Variants in MAP4 observed in about 807,000 individuals in gnomAD.
MAP4 encodes microtubule-associated protein 4.
A neutral mutation model predicts 170.2 loss-of-function variants in MAP4; 76 were observed. That is an observed-to-expected ratio of 0.45 (90% CI 0.37 to 0.54). The LOEUF (loss-of-function observed/expected upper bound fraction) is 0.54, where lower values mean the gene tolerates loss of function less well. Among genes scored for constraint, MAP4 ranks in the 20% least tolerant of loss-of-function variants. MAP4 has a pLI of 0.00. For missense variants in MAP4, 2,506 were observed against 2,748.0 expected, an observed-to-expected ratio of 0.91 and a Z score of 1.97; for synonymous variants, 909 against 994.5, an observed-to-expected ratio of 0.91 and a Z score of 1.62.
At chr3:48,085,994 G>A (rs1390540810) in intron 1 of MAP4, among the ~76,000 whole-genome samples, 4 of 152,202 alleles carry the variant, frequency 2.6e-5, no homozygotes, top group Non-Finnish European at 5.9e-5. Context: ...GAAGGTTGCA[G>A]TGAGCTGAGA....
chr3:48,056,572 A>G (rs1291423984), intron 1 of MAP4, among the ~76,000 whole-genome samples: 3 of 92,418 alleles, frequency 3.2e-5, no homozygotes, highest in Non-Finnish European at 5.9e-5. Flanking sequence ...CTGGGAAGTG[A>G]GGAGCCCCTC....
At chr3:48,010,568 T>C (rs1437613946) in intron 1 of MAP4, among the ~76,000 whole-genome samples, 1 of 152,148 alleles carries the variant, frequency 6.6e-6, no homozygotes. Context: ...TATTTTAAGA[T>C]TACATACGAT....
intron 1 of MAP4, among the ~76,000 whole-genome samples, chr3:48,074,676 T>TTTTTTGTGTGTGTG (rs746281743): frequency 4.4e-5 from 4 of 90,640 alleles, no homozygotes; most frequent in Admixed American, 1.2e-4. Flanking sequence ...ATCCAGCTAA[T>TTTTTTGTGTGTGTG]TGTGTGTGTG....
At chr3:47,894,822 T>C (rs887132155) in intron 10 of MAP4, among the ~76,000 whole-genome samples, 9 of 152,078 alleles carry the variant, frequency 5.9e-5, no homozygotes, top group African/African-American at 1.9e-4. Context: ...GCCCAGGAGT[T>C]TGAGACCAGC....
chr3:47,909,758 C>T lies in MAP4; in HGVS notation c.4663G>A (p.Val1555Met). Residue 1555 changes from valine (V) to methionine (M), a missense_variant, in exon 9 of 21, where the codon GTG becomes ATG. Val to Met is a conservative substitution (Grantham distance 21). Transcript: ENST00000683076. ...GAATGCTTAGACGCACCACTGTGCACTGACTCAGATTCTCCTATCACATGC... is the reference window on the plus strand; with the variant it reads ...GAATGCTTAGACGCACCACTGTGCATTGACTCAGATTCTCCTATCACATGC... ...EGHVIGESES[V>M]HSGASKHSVE... 6.2e-7 allele frequency: 1 copy of T among 1,614,006 alleles called. No homozygotes were observed. The highest frequency in any genetic ancestry group is 2.2e-5 in the East Asian group (1 of 44,892).
Position 47,851,413 on chromosome 3 carries a change from G to GT in MAP4, c.*1520_*1521insA, listed in dbSNP as rs1025461829. 5 of 152,188 alleles carry GT rather than the reference G, an allele frequency of 3.3e-5. No homozygotes were observed. The highest frequency in any genetic ancestry group is 2.0e-4 in the Admixed American group (3 of 15,282). The allele number at this position is 152,188 out of a possible 1,614,324, so 9.4% of individuals were successfully genotyped here. ...GGTCAAGACCCCTACCTTCTCCAGGGATGCCAGGACCAGAGAAGGGCAGAG... is the reference window on the plus strand; with the variant it reads ...GGTCAAGACCCCTACCTTCTCCAGGGTATGCCAGGACCAGAGAAGGGCAGAG... On this transcript the variant is annotated 3_prime_UTR_variant, in exon 21 of 21. Coordinates refer to ENST00000683076, the MANE Select transcript of MAP4 (RefSeq NM_001385682.1).
intron 1 of MAP4, among the ~76,000 whole-genome samples, chr3:48,059,614 A>T (rs1322984321): frequency 6.6e-6 from 1 of 151,868 alleles, no homozygotes; most frequent in Non-Finnish European, 1.5e-5. Context: ...CCATATGAAC[A>T]CATGAAATCT....
At chr3:48,007,750 G>A (rs2100103159) in intron 1 of MAP4, among the ~76,000 whole-genome samples, 2 of 150,488 alleles carry the variant, frequency 1.3e-5, no homozygotes, top group Admixed American at 1.3e-4. Flanking sequence ...TCGGCTCAAT[G>A]CAACCTCCAC....
At chr3:47,942,744 G>A (rs2100057293) in intron 3 of MAP4, among the ~76,000 whole-genome samples, 1 of 152,048 alleles carries the variant, frequency 6.6e-6, no homozygotes, top group Admixed American at 6.6e-5. Flanking sequence ...AAATAGTTGT[G>A]GTAAAATCGT....
intron 6 of MAP4, 100 bp downstream of exon 6, chr3:47,918,619 T>G: frequency 1.1e-6 from 1 of 889,278 alleles, no homozygotes; most frequent in Non-Finnish European, 1.8e-6. Flanking sequence ...TTCTGAAATT[T>G]TTATACCTGC....
chr3:47,853,074 G>A (rs1369561852), intron 20 of MAP4, 89 bp downstream of exon 20: 4 of 1,614,056 alleles, frequency 2.5e-6, no homozygotes, highest in South Asian at 2.2e-5. Flanking sequence ...TAAAATTTAG[G>A]CCACACTCTA....
At chr3:48,071,466 C>G (rs1282869109) in intron 1 of MAP4, among the ~76,000 whole-genome samples, 1 of 151,938 alleles carries the variant, frequency 6.6e-6, no homozygotes, top group Non-Finnish European at 1.5e-5. Context: ...GGAGGATCAC[C>G]TGAAACCAGA....
chr3:48,021,802 T>C (rs569772105), intron 1 of MAP4, among the ~76,000 whole-genome samples: 1 of 152,362 alleles, frequency 6.6e-6, no homozygotes, highest in East Asian at 1.9e-4. Context: ...CTTAAACTAC[T>C]GGATATCAAA....
chr3:48,068,910 ATAAAGTCAGTGTTT>A (rs2100139694), intron 1 of MAP4, among the ~76,000 whole-genome samples: 1 of 152,192 alleles, frequency 6.6e-6, no homozygotes, highest in Admixed American at 6.5e-5. Flanking sequence ...ACTTTTAATA[ATAAAGTCAGTGTTT>A]TAAAGTCAGT....
At chr3:47,994,564 T>C (rs981357405) in intron 2 of MAP4, among the ~76,000 whole-genome samples, 2 of 152,212 alleles carry the variant, frequency 1.3e-5, no homozygotes, top group African/African-American at 4.8e-5. Context: ...TTGTGCTTCA[T>C]CTTGAGTTAT....
chr3:48,071,861 G>A (rs755433477), intron 1 of MAP4, among the ~76,000 whole-genome samples: 13 of 151,650 alleles, frequency 8.6e-5, no homozygotes, highest in East Asian at 3.9e-4. Context: ...CCAAGATCGC[G>A]CCACTTCACT....
At chr3:48,001,952 C>T (rs577656982) in intron 1 of MAP4, among the ~76,000 whole-genome samples, 1 of 152,160 alleles carries the variant, frequency 6.6e-6, no homozygotes, top group East Asian at 1.9e-4. Context: ...TCTCAGCTCA[C>T]CGGAACCTCC....
rs115723635 is a variant in MAP4 at position 48,043,811 on chromosome 3, A to C, written c.-19-44932T>G. Among the ~76,000 whole-genome samples, 616 of 152,290 alleles carry C rather than the reference A, an allele frequency of 4.0e-3. 6 individuals carry two copies. Among genetic ancestry groups the C allele is most frequent in the African/African-American group, 0.014 (597 of 41,586 alleles). ...CGCTGAAACCATGCAAAGTGATCAT[A>C]ATAATTAATGAGAAAAACTGCAATT... On this transcript the variant is annotated intron_variant, in intron 1 of 18. Transcript: ENST00000360240.
At chr3:48,007,288 C>A (rs992485070) in intron 1 of MAP4, among the ~76,000 whole-genome samples, 5 of 152,166 alleles carry the variant, frequency 3.3e-5, no homozygotes, top group Admixed American at 6.5e-5. Flanking sequence ...TTGAGATATT[C>A]CCTTTAAGTT....
Sources: gnomAD v4.1 joint callset for allele counts (sites outside exome capture counted in the v4.1 genomes callset) on GRCh38, gnomAD v4.1.1 for gene constraint, MANE v1.5 for transcripts, NCBI Gene and HGNC (gene_info 2026-07-23, HGNC 2026-07-21) for gene names.